ELOVL7: variants seen among roughly 807,000 people sequenced by gnomAD.
ELOVL7 encodes ELOVL fatty acid elongase 7.
A neutral mutation model predicts 35.7 loss-of-function variants in ELOVL7; 27 were observed. That is an observed-to-expected ratio of 0.76 (90% CI 0.56 to 1.04). The LOEUF (loss-of-function observed/expected upper bound fraction) is 1.04. ELOVL7 is among the 50% of genes least tolerant of loss of function. ELOVL7 has a pLI of 0.00. For synonymous variants in ELOVL7, 113 were observed against 114.6 expected, an observed-to-expected ratio of 0.99 and a Z score of 0.09; for missense variants, 327 against 340.8, an observed-to-expected ratio of 0.96 and a Z score of 0.32.
At chr5:60,838,274 C>G (rs539679130) in intron 1 of ELOVL7, among the ~76,000 whole-genome samples, 1 of 152,282 alleles carries the variant, frequency 6.6e-6, no homozygotes, top group Admixed American at 6.5e-5. Context: ...TCCCTAGATT[C>G]TATTTCCCAC....
At chr5:60,830,008 CCCCTGA>C (rs2112380967) in intron 1 of ELOVL7, among the ~76,000 whole-genome samples, 1 of 152,218 alleles carries the variant, frequency 6.6e-6, no homozygotes, top group African/African-American at 2.4e-5. Flanking sequence ...CTTTCTCCTC[CCCCTGA>C]TCATTTCATT....
chr5:60,801,512 GGCAACAAAGTGA>G (rs1744611931), intron 1 of ELOVL7, among the ~76,000 whole-genome samples: 1 of 151,894 alleles, frequency 6.6e-6, no homozygotes, highest in Non-Finnish European at 1.5e-5. Context: ...GACCAGCATG[GGCAACAAAGTGA>G]GCCTCCATCT....
Position 60,777,295 on chromosome 5 carries a change from T to C in ELOVL7, c.65-5202A>G, listed in dbSNP as rs918823861. ...AGGGGATGGATACCCCCATTTTACA[T>C]GATATAATTATTACATATTGCATGC... On this transcript the variant is annotated intron_variant, in intron 3 of 8. Coordinates refer to ENST00000508821, the MANE Select transcript of ELOVL7 (RefSeq NM_024930.3). Among the ~76,000 whole-genome samples the C allele has an allele frequency of 6.6e-5, 10 of 152,178 alleles. No individual in the cohort carries two copies. In the East Asian group the frequency reaches 1.2e-3, roughly 18 times the overall value.
At chr5:60,805,251 A>C (rs1327623964) in intron 1 of ELOVL7, among the ~76,000 whole-genome samples, 3 of 152,240 alleles carry the variant, frequency 2.0e-5, no homozygotes, top group Non-Finnish European at 4.4e-5. Flanking sequence ...TTTTTAGGTG[A>C]CAATGATACA....
intron 3 of ELOVL7, among the ~76,000 whole-genome samples, chr5:60,773,123 A>G (rs574405690): frequency 8.5e-5 from 13 of 152,216 alleles, no homozygotes; most frequent in Admixed American, 1.3e-4. Context: ...ATTACAACTC[A>G]GGATGAAATG....
intron 3 of ELOVL7, among the ~76,000 whole-genome samples, chr5:60,775,117 A>G (rs779068108): frequency 6.6e-6 from 1 of 152,210 alleles, no homozygotes; most frequent in African/African-American, 2.4e-5. Flanking sequence ...TACAAAATCA[A>G]TGTATGAAAA....
rs536047145 is a variant in ELOVL7, at chr5:60,796,445, A to G, written c.-35+2735T>C. On this transcript the variant is annotated intron_variant, in intron 2 of 8. Transcript: ENST00000508821. ...TCCTGATTATTGTAGGATGTTTAGAACCACAACTTGGCTTCCATCCACGAG... is the reference window on the plus strand; with the variant it reads ...TCCTGATTATTGTAGGATGTTTAGAGCCACAACTTGGCTTCCATCCACGAG... Among the ~76,000 whole-genome samples the G allele has an allele frequency of 1.2e-4, 19 of 152,338 alleles. No individual in the cohort carries two copies. The South Asian group carries it at 3.5e-3, about 28-fold the overall frequency.
chr5:60,782,036 T>C (rs1033096501), intron 3 of ELOVL7, among the ~76,000 whole-genome samples: 6 of 152,176 alleles, frequency 3.9e-5, no homozygotes, highest in Non-Finnish European at 5.9e-5. Flanking sequence ...TTGGTCCAAT[T>C]GAATCAGAAT....
In ELOVL7 at chr5:60,753,946, T is replaced by A. The variant is rs2112107391; in HGVS notation, c.*678A>T. 1 of 152,364 alleles carries A rather than the reference T, an allele frequency of 6.6e-6. No individual in the cohort carries two copies. The highest frequency in any genetic ancestry group is 1.5e-5 in the Non-Finnish European group (1 of 68,036). The allele number at this position is 152,364 out of a possible 1,614,324, so 9.4% of individuals were successfully genotyped here. The stretch of plus-strand genomic sequence containing the variant: ...CAACTGAATGAAACTTGGTATCAAG[T>A]GTACTAACCCAAAGGATTGCTACTT... On this transcript the variant is annotated 3_prime_UTR_variant, in exon 9 of 9. Transcript: ENST00000508821.
At chr5:60,790,822 T>C (rs1219464953) in intron 2 of ELOVL7, among the ~76,000 whole-genome samples, 1 of 152,174 alleles carries the variant, frequency 6.6e-6, no homozygotes, top group Admixed American at 6.5e-5. Context: ...CCCACCAAGA[T>C]AAAAGAAACT....
At chr5:60,823,038 C>G (rs1745975428) in intron 1 of ELOVL7, among the ~76,000 whole-genome samples, 1 of 151,992 alleles carries the variant, frequency 6.6e-6, no homozygotes, top group African/African-American at 2.4e-5. Context: ...GTTCACGAAG[C>G]CTGGTGGTGA....
At chr5:60,784,136 G>T in intron 3 of ELOVL7, 1 of 1,518,032 alleles carries the variant, frequency 6.6e-7, no homozygotes, top group Non-Finnish European at 8.8e-7. Flanking sequence ...TTCTAAGAGA[G>T]TATTCTCTTC....
rs149511684 is a variant in ELOVL7, at chr5:60,812,923, T to G, written c.-85-13693A>C. ...ACCCCTGCACTGAAGGATTTCTCCC[T>G]TCAATCCTTGGTGCTCTCTTTGCTT... On this transcript the variant is annotated intron_variant, in intron 1 of 8. Coordinates refer to ENST00000508821, the MANE Select transcript of ELOVL7 (RefSeq NM_024930.3). 4.6e-4 allele frequency among the ~76,000 whole-genome samples: 70 copies of G among 152,324 alleles called. 1 individual carries two copies. The highest frequency in any genetic ancestry group is 1.6e-3 in the African/African-American group (67 of 41,572).
At chr5:60,837,163 G>C (rs1243783874) in intron 1 of ELOVL7, among the ~76,000 whole-genome samples, 3 of 151,248 alleles carry the variant, frequency 2.0e-5, no homozygotes, top group Non-Finnish European at 2.9e-5. Flanking sequence ...GCTGGGTGCA[G>C]TGTCTCACGC....
At chr5:60,785,442 T>C (rs1388692942) in intron 3 of ELOVL7, among the ~76,000 whole-genome samples, 3 of 152,196 alleles carry the variant, frequency 2.0e-5, no homozygotes, top group Non-Finnish European at 4.4e-5. Flanking sequence ...ATTCAGCTCT[T>C]GAGTTAGCAT....
intron 1 of ELOVL7, among the ~76,000 whole-genome samples, chr5:60,801,203 T>C (rs1744590694): frequency 6.6e-6 from 1 of 152,074 alleles, no homozygotes; most frequent in Non-Finnish European, 1.5e-5. Context: ...GCTCAGATTA[T>C]AGGCATGAGC....
intron 3 of ELOVL7, among the ~76,000 whole-genome samples, chr5:60,780,592 C>A (rs1369569317): frequency 6.6e-6 from 1 of 152,040 alleles, no homozygotes; most frequent in African/African-American, 2.4e-5. Flanking sequence ...GAAGAAATAC[C>A]CAAGATTGGG....
chr5:60,760,496 T>C (rs1212024926), intron 7 of ELOVL7, among the ~76,000 whole-genome samples: 1 of 152,206 alleles, frequency 6.6e-6, no homozygotes, highest in East Asian at 1.9e-4. Flanking sequence ...GTTTGTTTTC[T>C]TCTTGTAAAT....
At chr5:60,808,533 TTAAGA>T (rs1480944017) in intron 1 of ELOVL7, among the ~76,000 whole-genome samples, 1 of 152,192 alleles carries the variant, frequency 6.6e-6, no homozygotes, top group African/African-American at 2.4e-5. Context: ...CTTAATATTG[TTAAGA>T]TATCAATTCT....
Sources: gnomAD v4.1 joint callset for allele counts (sites outside exome capture counted in the v4.1 genomes callset) on GRCh38, gnomAD v4.1.1 for gene constraint, MANE v1.5 for transcripts, NCBI Gene and HGNC (gene_info 2026-07-23, HGNC 2026-07-21) for gene names.